Variants in ZNF804B observed in about 807,000 individuals in gnomAD.
ZNF804B encodes the protein zinc finger 804B.
ZNF804B carries 80 observed loss-of-function variants against 101.4 expected under a neutral mutation model. That is an observed-to-expected ratio of 0.79 (90% CI 0.66 to 0.95). The LOEUF (loss-of-function observed/expected upper bound fraction) is 0.95, where lower values mean the gene tolerates loss of function less well. Ranked by LOEUF, ZNF804B falls within the 40% of genes least tolerant of loss-of-function variation. The pLI, the probability that ZNF804B is intolerant of heterozygous loss-of-function variation, is 0.00. For missense variants in ZNF804B, 1,673 were observed against 1,561.9 expected, an observed-to-expected ratio of 1.07 and a Z score of -1.20; for synonymous variants, 622 against 558.8, an observed-to-expected ratio of 1.11 and a Z score of -1.59.
intron 1 of ZNF804B, among the ~76,000 whole-genome samples, chr7:88,887,309 A>AATTT (rs1369054084): frequency 2.9e-5 from 4 of 135,790 alleles, no homozygotes; most frequent in Non-Finnish European, 6.2e-5. Context: ...AATTTGTTTA[A>AATTT]GTTCCATATA....
At position 89,334,450 on chromosome 7, in the gene ZNF804B, G is replaced by T. The variant is rs1259879146; in HGVS notation, c.1468G>T (p.Glu490Ter). ...FDFKLSRNTKEDHNLEDLKTE... is the reference protein window; with the variant it reads ...FDFKLSRNTK The stretch of plus-strand genomic sequence containing the variant: ...TTTTAAGCTTTCTCGGAACACAAAG[G>T]AAGACCACAATCTAGAGGACTTAAA... The change falls in exon 4 of 4, where the codon GAA becomes TAA. Residue 490 changes from glutamate to a stop codon, truncating the protein, a stop_gained. Coordinates refer to ENST00000333190, the MANE Select transcript of ZNF804B (RefSeq NM_181646.5). LOFTEE classifies it high-confidence loss of function. 4 of 1,613,628 alleles carry T rather than the reference G, an allele frequency of 2.5e-6. No individual in the cohort carries two copies. The highest frequency in any genetic ancestry group is 3.4e-6 in the Non-Finnish European group (4 of 1,179,810).
chr7:88,785,127 C>T (rs1413251797), intron 1 of ZNF804B, among the ~76,000 whole-genome samples: 2 of 152,064 alleles, frequency 1.3e-5, no homozygotes, highest in Non-Finnish European at 2.9e-5. Flanking sequence ...GACAGTATAA[C>T]GTTGATGATT....
At chr7:88,926,167 G>A in intron 1 of ZNF804B, among the ~76,000 whole-genome samples, 1 of 152,142 alleles carries the variant, frequency 6.6e-6, no homozygotes, top group East Asian at 1.9e-4. Context: ...TTAAGCTGAA[G>A]CATCTGATAA....
intron 1 of ZNF804B, among the ~76,000 whole-genome samples, chr7:89,155,077 A>G (rs755425224): frequency 1.1e-4 from 17 of 152,170 alleles, no homozygotes; most frequent in Non-Finnish European, 1.9e-4. Flanking sequence ...TAAAAAATCC[A>G]TATATCTTAT....
In ZNF804B at chr7:88,926,878, AT is replaced by A. The variant is rs532816609; in HGVS notation, c.108+166803del. Reference sequence around the variant, plus strand: ...GTGTAGACTTTTTATTTTTTGCTAAATTTTTTTTTCTCATTTTAAAATAAAT... The same window carrying A: ...GTGTAGACTTTTTATTTTTTGCTAAATTTTTTTTCTCATTTTAAAATAAAT... On this transcript the variant is annotated intron_variant, in intron 1 of 3. Coordinates refer to ENST00000333190, the MANE Select transcript of ZNF804B (RefSeq NM_181646.5). Among the ~76,000 whole-genome samples, 40 of 137,674 alleles carry A rather than the reference AT, an allele frequency of 2.9e-4. No individual in the cohort carries two copies. In the South Asian group the frequency reaches 2.9e-3, roughly 10 times the overall value. 90.3% of individuals were successfully genotyped at this position (137,674 alleles called of 152,430 possible). A position where few individuals can be genotyped will look rare whatever the true frequency, so the allele number is the denominator to read the frequency against.
intron 1 of ZNF804B, among the ~76,000 whole-genome samples, chr7:89,215,023 C>T (rs1021623274): frequency 1.3e-5 from 2 of 152,122 alleles, no homozygotes; most frequent in African/African-American, 2.4e-5. Flanking sequence ...AGATTTCTAT[C>T]CTTATAATTC....
intron 1 of ZNF804B, among the ~76,000 whole-genome samples, chr7:88,774,492 A>G (rs1586897262): frequency 6.6e-6 from 1 of 152,248 alleles, no homozygotes; most frequent in Non-Finnish European, 1.5e-5. Flanking sequence ...GCCCCTGTCC[A>G]TAGTGAAGGT....
chr7:89,309,759 C>CAAA lies in ZNF804B; in HGVS notation c.250-17549_250-17547dup, dbSNP rs397791531. Among the ~76,000 whole-genome samples, 92 of 70,772 alleles carry CAAA rather than the reference C, an allele frequency of 1.3e-3. 10 individuals are homozygous for CAAA. The highest frequency in any genetic ancestry group is 1.6e-3 in the Non-Finnish European group (65 of 39,598). The allele number at this position is 70,772 out of a possible 152,430, so 46.4% of individuals were successfully genotyped here. ...TGGGCTACAGAGTGAGACCCTGTCTCAAAAAAAAAAAAAAAAAAAAAAAAA... is the reference window on the plus strand; with the variant it reads ...TGGGCTACAGAGTGAGACCCTGTCTCAAAAAAAAAAAAAAAAAAAAAAAAAAAA... On this transcript the variant is annotated intron_variant, in intron 2 of 3. Coordinates refer to ENST00000333190, the MANE Select transcript of ZNF804B (RefSeq NM_181646.5).
rs563462453 is a variant in ZNF804B at position 89,141,897 on chromosome 7, T to G, written c.109-76258T>G. 1.1e-4 allele frequency among the ~76,000 whole-genome samples: 16 copies of G among 150,388 alleles called. No homozygotes were observed. The East Asian group carries it at 3.1e-3, about 29-fold the overall frequency. On this transcript the variant is annotated intron_variant, in intron 1 of 3. Coordinates refer to ENST00000333190, the MANE Select transcript of ZNF804B (RefSeq NM_181646.5). Reference sequence around the variant, plus strand: ...AGATAAAAAAAGAAAAAATATATAATAATAATAATAATAATAACTGTATTT... The same window carrying G: ...AGATAAAAAAAGAAAAAATATATAAGAATAATAATAATAATAACTGTATTT...
chr7:88,912,830 A>G (rs1341840065), intron 1 of ZNF804B, among the ~76,000 whole-genome samples: 1 of 152,204 alleles, frequency 6.6e-6, no homozygotes, highest in Non-Finnish European at 1.5e-5. Context: ...ATTTGAAACA[A>G]TGATTCCAAA....
intron 1 of ZNF804B, among the ~76,000 whole-genome samples, chr7:89,088,066 A>G (rs897701708): frequency 9.2e-5 from 14 of 151,962 alleles, no homozygotes; most frequent in Admixed American, 8.5e-4. Flanking sequence ...AGACAAGAAA[A>G]TTAATTTGCC....
chr7:89,190,735 T>C (rs1213229302), intron 1 of ZNF804B, among the ~76,000 whole-genome samples: 1 of 152,108 alleles, frequency 6.6e-6, no homozygotes, highest in Non-Finnish European at 1.5e-5. Flanking sequence ...TTGCCACAGA[T>C]ACCCCAACCT....
At chr7:89,018,157 A>G (rs1584076151) in intron 1 of ZNF804B, among the ~76,000 whole-genome samples, 1 of 152,138 alleles carries the variant, frequency 6.6e-6, no homozygotes, top group South Asian at 2.1e-4. Context: ...TGGGTTCATC[A>G]TACATGAACT....
chr7:89,061,361 T>G (rs2116281993), intron 1 of ZNF804B, among the ~76,000 whole-genome samples: 1 of 151,474 alleles, frequency 6.6e-6, no homozygotes, highest in South Asian at 2.1e-4. Context: ...AATTATATCT[T>G]TTGTGACTCT....
chr7:89,067,493 C>T (rs1789471327), intron 1 of ZNF804B, among the ~76,000 whole-genome samples: 1 of 152,084 alleles, frequency 6.6e-6, no homozygotes, highest in African/African-American at 2.4e-5. Context: ...TGCATGCTAC[C>T]AAATGATTGC....
intron 1 of ZNF804B, among the ~76,000 whole-genome samples, chr7:88,921,089 T>C (rs1584017495): frequency 6.6e-6 from 1 of 152,092 alleles, no homozygotes; most frequent in South Asian, 2.1e-4. Flanking sequence ...CCAAGATTCT[T>C]TTTAGCACAA....
intron 1 of ZNF804B, among the ~76,000 whole-genome samples, chr7:89,153,308 C>G (rs1332595859): frequency 6.6e-6 from 1 of 151,764 alleles, no homozygotes; most frequent in Non-Finnish European, 1.5e-5. Context: ...GATGTTGATT[C>G]TGAGTTGGCT....
chr7:88,895,982 G>A (rs181086437), intron 1 of ZNF804B, among the ~76,000 whole-genome samples: 1 of 152,262 alleles, frequency 6.6e-6, no homozygotes, highest in East Asian at 1.9e-4. Context: ...TACTGCTTAT[G>A]TGCAGACTAC....
At chr7:89,065,441 T>G (rs528859075) in intron 1 of ZNF804B, among the ~76,000 whole-genome samples, 17 of 152,262 alleles carry the variant, frequency 1.1e-4, no homozygotes, top group African/African-American at 3.9e-4. Flanking sequence ...TTTTTTTCTT[T>G]TTGTATTCTG....
Sources: allele counts gnomAD v4.1 joint callset (sites outside exome capture counted in the v4.1 genomes callset), GRCh38; gene constraint gnomAD v4.1.1; transcripts MANE v1.5; gene names NCBI Gene and HGNC (gene_info 2026-07-23, HGNC 2026-07-21).